CYFIP1: variants seen among roughly 807,000 people sequenced by gnomAD.
The protein encoded by CYFIP1 is cytoplasmic FMR1-interacting protein 1.
A neutral mutation model predicts 163.5 loss-of-function variants in CYFIP1; 58 were observed. That is an observed-to-expected ratio of 0.35 (90% CI 0.29 to 0.44). CYFIP1 has a LOEUF of 0.44. Among genes scored for constraint, CYFIP1 ranks in the 20% least tolerant of loss-of-function variants. The pLI, the probability that CYFIP1 is intolerant of heterozygous loss-of-function variation, is 1.00. For missense variants in CYFIP1, 1,338 were observed against 1,653.8 expected (o/e 0.81, Z 3.31); for synonymous variants, 663 against 660.7 (o/e 1.00, Z -0.05).
intron 24 of CYFIP1, among the ~76,000 whole-genome samples, chr15:22,882,609 A>G (rs780024055): frequency 2.0e-5 from 3 of 152,190 alleles, no homozygotes; most frequent in Non-Finnish European, 2.9e-5. Flanking sequence ...GTTCAAGGAC[A>G]GCCTGAGCAA....
At chr15:22,881,764 A>T in intron 25 of CYFIP1, 82 bp downstream of exon 25, 1 of 1,352,122 alleles carries the variant, frequency 7.4e-7, no homozygotes, top group Non-Finnish European at 1.0e-6. Context: ...GGCAAATCTA[A>T]TCCTTCTCAA....
chr15:22,892,026 G>A (rs996603154), intron 23 of CYFIP1, among the ~76,000 whole-genome samples: 1 of 152,176 alleles, frequency 6.6e-6, no homozygotes, highest in Non-Finnish European at 1.5e-5. Context: ...AGTGCTGGCA[G>A]CCTGCCCCCA....
intron 17 of CYFIP1, among the ~76,000 whole-genome samples, chr15:22,914,186 C>T (rs560898984): frequency 3.3e-5 from 5 of 152,096 alleles, no homozygotes; most frequent in African/African-American, 1.2e-4. Context: ...ACAGGGCTCC[C>T]GCAAGGCAGC....
chr15:22,954,505 G>A (rs907464371), intron 1 of CYFIP1, among the ~76,000 whole-genome samples: 2 of 152,198 alleles, frequency 1.3e-5, no homozygotes, highest in Admixed American at 6.5e-5. Flanking sequence ...AAACAAGCCA[G>A]CCAGACCTGC....
chr15:22,887,126 T>G (rs1321790228), intron 23 of CYFIP1, among the ~76,000 whole-genome samples: 2 of 152,228 alleles, frequency 1.3e-5, no homozygotes, highest in Non-Finnish European at 2.9e-5. Context: ...TCTGCTTCCA[T>G]TACTGATCCT....
intron 1 of CYFIP1, among the ~76,000 whole-genome samples, chr15:22,971,850 ACAGCCTAGGTAACT>A (rs1275318363): frequency 6.6e-6 from 1 of 152,082 alleles, no homozygotes; most frequent in Non-Finnish European, 1.5e-5. Flanking sequence ...AGCCTGGGTA[ACAGCCTAGGTAACT>A]CATCTCAAAA....
intron 26 of CYFIP1, among the ~76,000 whole-genome samples, chr15:22,879,513 C>G (rs1277782691): frequency 6.6e-6 from 1 of 152,128 alleles, no homozygotes; most frequent in East Asian, 1.9e-4. Flanking sequence ...AGTGATAATT[C>G]AGTAACATTT....
intron 3 of CYFIP1, 53 bp downstream of exon 3, chr15:22,946,950 C>A (rs1293949229): frequency 6.7e-6 from 10 of 1,498,388 alleles, no homozygotes; most frequent in East Asian, 4.5e-5. Context: ...TACATCTGTC[C>A]TTCAAACACG....
intron 1 of CYFIP1, among the ~76,000 whole-genome samples, chr15:22,970,047 T>C (rs1164882757): frequency 6.6e-6 from 1 of 152,178 alleles, no homozygotes; most frequent in East Asian, 1.9e-4. Context: ...TTCAGGGAAG[T>C]TGCAGGATAC....
At chr15:22,957,896 A>G (rs1031808978) in intron 1 of CYFIP1, among the ~76,000 whole-genome samples, 1 of 152,192 alleles carries the variant, frequency 6.6e-6, no homozygotes, top group Non-Finnish European at 1.5e-5. Context: ...TTTCTCTCCC[A>G]GGTGTAGAAA....
At position 22,874,537 on chromosome 15, in the gene CYFIP1, C is replaced by T. The variant is rs200179644; in HGVS notation, c.3210+13G>A. 3.2e-4 allele frequency: 503 copies of T among 1,578,830 alleles called. 3 individuals are homozygous for T. Among genetic ancestry groups the T allele is most frequent in the Admixed American group, 3.8e-4 (20 of 52,084 alleles). ...CAGCTTGCAACAGCCACAGCCATCA[C>T]GGTACACGTTACCTGAGGGGTCCCC... is the stretch of plus-strand genomic sequence containing the variant. On this transcript the variant is annotated intron_variant, in intron 28 of 30. Transcript: ENST00000617928.
upstream of CYFIP1, among the ~76,000 whole-genome samples, chr15:22,980,613 A>G (rs950122584): frequency 9.2e-4 from 140 of 151,858 alleles, 2 homozygotes; most frequent in Non-Finnish European, 2.5e-4. Context: ...GCGGGGTCGG[A>G]GCGGAGCGGG....
intron 1 of CYFIP1, among the ~76,000 whole-genome samples, chr15:22,962,115 T>C (rs1323057027): frequency 6.6e-6 from 1 of 152,200 alleles, no homozygotes; most frequent in East Asian, 1.9e-4. Flanking sequence ...TAATCTCAGA[T>C]AATTCATTTA....
intron 17 of CYFIP1, among the ~76,000 whole-genome samples, chr15:22,913,105 A>C (rs2060838183): frequency 6.6e-6 from 1 of 151,940 alleles, no homozygotes; most frequent in Non-Finnish European, 1.5e-5. Flanking sequence ...CTGAGGCAGG[A>C]GGATCACCTG....
chr15:22,933,979 A>T, intron 9 of CYFIP1, 86 bp from the exon 10 acceptor site: 1 of 910,352 alleles, frequency 1.1e-6, no homozygotes, highest in Non-Finnish European at 1.7e-6. Context: ...TAATGCTAAT[A>T]ATTACTTCGG....
intron 1 of CYFIP1, among the ~76,000 whole-genome samples, chr15:22,949,008 A>G (rs2062155215): frequency 1.3e-5 from 2 of 152,136 alleles, no homozygotes; most frequent in African/African-American, 4.8e-5. Context: ...AACAGCTGAA[A>G]AAAATGACAG....
At chr15:22,928,700 C>T (rs1489190446) in intron 11 of CYFIP1, among the ~76,000 whole-genome samples, 1 of 152,174 alleles carries the variant, frequency 6.6e-6, no homozygotes, top group Non-Finnish European at 1.5e-5. Flanking sequence ...GAGGAAGGGG[C>T]ACCGTGGAGA....
chr15:22,920,233 T>C (rs1431646183), intron 13 of CYFIP1, among the ~76,000 whole-genome samples: 2 of 129,882 alleles, frequency 1.5e-5, no homozygotes, highest in South Asian at 2.8e-4. Context: ...GGCATGATCA[T>C]AGCTCACTGC....
intron 5 of CYFIP1, among the ~76,000 whole-genome samples, chr15:22,944,199 A>G (rs1306349084): frequency 1.4e-5 from 2 of 143,522 alleles, no homozygotes; most frequent in Non-Finnish European, 3.0e-5. Context: ...AGATCATGCC[A>G]TTGCACTCTA....
Sources: allele counts gnomAD v4.1 joint callset (sites outside exome capture counted in the v4.1 genomes callset), GRCh38; gene constraint gnomAD v4.1.1; transcripts MANE v1.5; gene names NCBI Gene and HGNC (gene_info 2026-07-23, HGNC 2026-07-21).